CFAP47: variants seen among roughly 807,000 people sequenced by gnomAD.
CFAP47 encodes cilia and flagella associated protein 47.
A neutral mutation model predicts 148.1 loss-of-function variants in CFAP47; 29 were observed. The observed-to-expected ratio is 0.20, with a 90% CI of 0.15 to 0.27. The LOEUF (loss-of-function observed/expected upper bound fraction) is 0.27, where lower values mean the gene tolerates loss of function less well. CFAP47 is among the 10% of genes least tolerant of loss of function. CFAP47 has a pLI of 1.00. For synonymous variants in CFAP47, 664 were observed against 577.3 expected (o/e 1.15, Z -2.15); for missense variants, 1,872 against 1,697.5 (o/e 1.10, Z -1.81).
intron 39 of CFAP47, among the ~76,000 whole-genome samples, chrX:36,165,502 C>A (rs916357319): frequency 9.0e-6 from 1 of 111,526 alleles, no homozygotes. Flanking sequence ...TCTTATATAG[C>A]TCTATTCCCT....
chrX:36,298,526 A>T (rs945935771), intron 51 of CFAP47, among the ~76,000 whole-genome samples: 2 of 106,958 alleles, frequency 1.9e-5, no homozygotes, highest in Non-Finnish European at 3.8e-5. Context: ...AACCTGCACA[A>T]TGTGCACATG....
intron 33 of CFAP47, among the ~76,000 whole-genome samples, chrX:36,131,348 A>G (rs1030576001): frequency 6.3e-5 from 7 of 111,290 alleles, no homozygotes; most frequent in Non-Finnish European, 1.3e-4. Context: ...AGTTTCTCAA[A>G]ATGTTAAAAT....
chrX:36,019,286 G>T (rs1937131841), intron 22 of CFAP47, among the ~76,000 whole-genome samples: 1 of 111,797 alleles, frequency 8.9e-6, no homozygotes, highest in Non-Finnish European at 1.9e-5. Context: ...AAGATTAAGA[G>T]GTCCTGAGTA....
At chrX:36,254,177 T>G (rs1290362738) in intron 49 of CFAP47, among the ~76,000 whole-genome samples, 1 of 111,268 alleles carries the variant, frequency 9.0e-6, no homozygotes, top group South Asian at 3.8e-4. Context: ...AATGGGGGTC[T>G]GAGAGGGCTT....
intron 33 of CFAP47, among the ~76,000 whole-genome samples, chrX:36,132,109 A>C (rs1938958918): frequency 9.0e-6 from 1 of 111,490 alleles, no homozygotes; most frequent in South Asian, 3.7e-4. Flanking sequence ...TAAATTGACT[A>C]ATTTTTTCTA....
intron 49 of CFAP47, among the ~76,000 whole-genome samples, chrX:36,275,390 T>C (rs782118239): frequency 2.9e-4 from 31 of 107,990 alleles, no homozygotes; most frequent in African/African-American, 1.1e-3. Context: ...TTGTCAAAAG[T>C]TTTCTATGCA....
At chrX:36,295,605 T>A (rs1456013779) in intron 51 of CFAP47, among the ~76,000 whole-genome samples, 1 of 112,258 alleles carries the variant, frequency 8.9e-6, no homozygotes, top group African/African-American at 3.2e-5. Flanking sequence ...AAATGATGGA[T>A]AACATAAGTT....
chrX:36,377,795 C>T (rs1376549097), intron 62 of CFAP47, among the ~76,000 whole-genome samples: 1 of 112,258 alleles, frequency 8.9e-6, no homozygotes. Flanking sequence ...ATACTGATGA[C>T]TAAAGTATTA....
intron 49 of CFAP47, 37 bp from the exon 50 acceptor site, chrX:36,280,450 C>T: frequency 2.3e-6 from 1 of 442,438 alleles, no homozygotes; most frequent in Admixed American, 3.3e-5. Flanking sequence ...AAAACTAAAC[C>T]CTGATTAATA....
intron 33 of CFAP47, among the ~76,000 whole-genome samples, chrX:36,123,535 C>T (rs1464244628): frequency 1.8e-5 from 2 of 111,576 alleles, no homozygotes; most frequent in Middle Eastern, 4.7e-3. Context: ...CTCCCCTCTC[C>T]GAAGGCAGAG....
rs939699949 is a variant in CFAP47 at position 36,267,627 on chromosome X, C to T, written c.7445-12860C>T. Among the ~76,000 whole-genome samples the T allele has an allele frequency of 2.7e-5, 3 of 110,084 alleles. No individual in the cohort carries two copies. In the Admixed American group the frequency reaches 2.9e-4, roughly 11 times the overall value. On this transcript the variant is annotated intron_variant, in intron 49 of 63. Coordinates refer to ENST00000378653, the MANE Select transcript of CFAP47 (RefSeq NM_001304548.2). The stretch of plus-strand genomic sequence containing the variant: ...GTGAGTAGCTGGGACTACAGGCACC[C>T]GCCACCACACTCAGCTAATTTTTTG...
chrX:36,176,290 C>G (rs762751381), intron 39 of CFAP47, among the ~76,000 whole-genome samples: 1 of 112,222 alleles, frequency 8.9e-6, no homozygotes, highest in African/African-American at 3.2e-5. Context: ...AGCTGTAGAC[C>G]GGAGCTGTTC....
At position 35,919,928 on chromosome X, in the gene CFAP47, C is replaced by G; in HGVS notation, c.129C>G (p.Ile43Met). 8.3e-7 allele frequency: 1 copy of G among 1,210,278 alleles called. No individual in the cohort carries two copies. Among genetic ancestry groups the G allele is most frequent in the Non-Finnish European group, 1.1e-6 (1 of 894,895 alleles). The change falls in exon 1 of 64, where the codon ATC becomes ATG. Residue 43 changes from isoleucine (I) to methionine (M), a missense_variant. Ile to Met is a conservative substitution (Grantham distance 10). Transcript: ENST00000378653. ...GTAGAGACATGCAGCTGCGGGTGAT[C>G]CCGGCTGAGGTGAAGTTCCTGGACA... is the stretch of plus-strand genomic sequence containing the variant. ...SSGRDMQLRVIPAEVKFLDTM... is the reference protein window; with the variant it reads ...SSGRDMQLRVMPAEVKFLDTM...
At chrX:35,992,366 G>T (rs1460849022) in intron 17 of CFAP47, among the ~76,000 whole-genome samples, 1 of 110,540 alleles carries the variant, frequency 9.0e-6, no homozygotes, top group African/African-American at 3.3e-5. Context: ...GATTTAAATG[G>T]AAAGAGGAGC....
chrX:35,985,288 A>G (rs2033000188), intron 15 of CFAP47, among the ~76,000 whole-genome samples: 1 of 110,612 alleles, frequency 9.0e-6, no homozygotes, highest in African/African-American at 3.3e-5. Context: ...CAACATTCCT[A>G]TTGGGGGTGC....
chrX:36,329,401 G>A (rs782557642), intron 57 of CFAP47, among the ~76,000 whole-genome samples: 2 of 111,812 alleles, frequency 1.8e-5, no homozygotes, highest in South Asian at 3.7e-4. Flanking sequence ...AAAAGACAAA[G>A]AAAGGTAAGG....
chrX:36,272,421 A>C (rs1602083633), intron 49 of CFAP47, among the ~76,000 whole-genome samples: 1 of 111,405 alleles, frequency 9.0e-6, no homozygotes, highest in South Asian at 3.7e-4. Flanking sequence ...AGTTATCCAG[A>C]GCTTCAGCAA....
At chrX:35,969,594 C>T (rs1224753672) in intron 10 of CFAP47, among the ~76,000 whole-genome samples, 1 of 111,850 alleles carries the variant, frequency 8.9e-6, no homozygotes, top group East Asian at 2.8e-4. Flanking sequence ...TCAGCTCTTT[C>T]TCATTTAAGG....
At chrX:35,979,717 A>C (rs1936616837) in intron 15 of CFAP47, among the ~76,000 whole-genome samples, 1 of 111,785 alleles carries the variant, frequency 8.9e-6, no homozygotes, top group African/African-American at 3.2e-5. Flanking sequence ...TTATTTAAAT[A>C]GTATTTTAAC....
Sources: allele counts gnomAD v4.1 joint callset (sites outside exome capture counted in the v4.1 genomes callset), GRCh38; gene constraint gnomAD v4.1.1; transcripts MANE v1.5; gene names NCBI Gene and HGNC (gene_info 2026-07-23, HGNC 2026-07-21).